Variants in CCDC69 observed in about 807,000 individuals in gnomAD.
CCDC69 encodes coiled-coil domain containing 69, also known as coiled-coil domain-containing protein 69.
In CCDC69, 38 loss-of-function variants were observed where a neutral mutation model predicts 40.3. That is an observed-to-expected ratio of 0.94 (90% confidence interval 0.73 to 1.24). The LOEUF is 1.24. Ranked by LOEUF, CCDC69 falls within the 50% of genes most tolerant of loss-of-function variation. The pLI, the probability that CCDC69 is intolerant of heterozygous loss-of-function variation, is 0.00. For missense variants in CCDC69, 389 were observed against 357.9 expected, an observed-to-expected ratio of 1.09 and a Z score of -0.70; for synonymous variants, 141 against 138.9, an observed-to-expected ratio of 1.02 and a Z score of -0.11.
intron 1 of CCDC69, among the ~76,000 whole-genome samples, chr5:151,218,303 C>T (rs1464255193): frequency 1.3e-5 from 2 of 152,228 alleles, no homozygotes; most frequent in African/African-American, 4.8e-5. Context: ...TCCCTCCCCA[C>T]TGCCAGTCCT....
Position 151,224,017 on chromosome 5 carries a change from CAGA to C in CCDC69, c.-50_-48del. 6.6e-7 allele frequency: 1 copy of C among 1,505,900 alleles called. No homozygotes were observed. Among genetic ancestry groups the C allele is most frequent in the Non-Finnish European group, 8.9e-7 (1 of 1,128,682 alleles). 93.3% of individuals were successfully genotyped at this position (1,505,900 alleles called of 1,614,324 possible). ...CGCCGCTTCCCAACTCCGGGGCCCC[CAGA>C]GGAGCCTGCGATCCGGGCCCCGCTG... On this transcript the variant is annotated 5_prime_UTR_variant, in exon 1 of 9. Transcript: ENST00000355417.
In CCDC69 at chr5:151,186,132, A is replaced by AT; in HGVS notation, c.394-9_394-8insA. ...CAGTCTGTCTATGGTCTCCTGGAGCAGGGAGTGGGATGGAGACAATCAAAG... is the reference window on the plus strand; with the variant it reads ...CAGTCTGTCTATGGTCTCCTGGAGCATGGGAGTGGGATGGAGACAATCAAAG... On this transcript the variant is annotated splice_polypyrimidine_tract_variant and intron_variant, in intron 5 of 8. Coordinates refer to ENST00000355417, the MANE Select transcript of CCDC69 (RefSeq NM_015621.3). 5 of 1,592,536 alleles carry AT rather than the reference A, an allele frequency of 3.1e-6. No individual in the cohort carries two copies. Among genetic ancestry groups the AT allele is most frequent in the Non-Finnish European group, 4.3e-6 (5 of 1,160,412 alleles).
chr5:151,187,242 G>A (rs1289997124), intron 5 of CCDC69, 144 bp downstream of exon 5: 23 of 655,644 alleles, frequency 3.5e-5, no homozygotes, highest in Non-Finnish European at 1.6e-5. Flanking sequence ...ACATCAAGGG[G>A]CCTGGATACA....
At chr5:151,205,954 A>C (rs1026261578) in intron 1 of CCDC69, among the ~76,000 whole-genome samples, 9 of 152,158 alleles carry the variant, frequency 5.9e-5, no homozygotes, top group African/African-American at 2.2e-4. Context: ...ACACAGAAGA[A>C]GACTTCTGTG....
At chr5:151,222,274 C>T (rs1050123196) in intron 1 of CCDC69, among the ~76,000 whole-genome samples, 1 of 152,262 alleles carries the variant, frequency 6.6e-6, no homozygotes, top group Non-Finnish European at 1.5e-5. Context: ...GCTGTGCCAG[C>T]TTTACTTGCC....
chr5:151,186,067 C>T lies in CCDC69; in HGVS notation c.451G>A (p.Val151Met). ...LEAFQAKMKRVEESILSRNYK... is the reference protein window; with the variant it reads ...LEAFQAKMKRMEESILSRNYK... ...TTTCGGCTCAGAATGGACTCCTCCA[C>T]CCTCTTCATTTTGGCCTGGAAAGCC... Residue 151 changes from valine to methionine, a missense_variant, in exon 6 of 9, where the codon GTG becomes ATG. Val to Met is a conservative substitution (Grantham distance 21, BLOSUM62 1). Coordinates refer to ENST00000355417, the MANE Select transcript of CCDC69 (RefSeq NM_015621.3). The T allele has an allele frequency of 6.2e-7, 1 of 1,614,052 alleles. No individual in the cohort carries two copies. Among genetic ancestry groups the T allele is most frequent in the Non-Finnish European group, 8.5e-7 (1 of 1,179,978 alleles).
At chr5:151,222,110 A>G (rs889067477) in intron 1 of CCDC69, among the ~76,000 whole-genome samples, 3 of 152,240 alleles carry the variant, frequency 2.0e-5, no homozygotes, top group Non-Finnish European at 2.9e-5. Context: ...GGAGACAAAG[A>G]ACACGGAGCT....
chr5:151,194,606 T>C (rs1392494940), intron 4 of CCDC69, among the ~76,000 whole-genome samples: 1 of 152,122 alleles, frequency 6.6e-6, no homozygotes, highest in Non-Finnish European at 1.5e-5. Flanking sequence ...CAAGAATCTA[T>C]ACATGCGGCA....
chr5:151,205,307 A>G (rs1752837624), intron 2 of CCDC69, 93 bp downstream of exon 2: 1 of 1,013,134 alleles, frequency 9.9e-7, no homozygotes, highest in Non-Finnish European at 1.6e-6. Flanking sequence ...CTGAGATCTC[A>G]TGAGATATTT....
chr5:151,215,398 A>G (rs774238274), intron 1 of CCDC69, among the ~76,000 whole-genome samples: 1 of 152,204 alleles, frequency 6.6e-6, no homozygotes, highest in Non-Finnish European at 1.5e-5. Context: ...GGGATACGTA[A>G]GAGCCCTTCT....
chr5:151,205,456 G>C lies in CCDC69; in HGVS notation c.68C>G (p.Pro23Arg). ...PPKKKRQEPE[P>R]EQPPRPEPHE... is the part of the protein sequence containing the mutation. Reference sequence around the variant, plus strand: ...GGGCTCTGGTCTGGGTGGCTGTTCTGGTTCTGGTTCTTGGCGCTTCTGGAA... The same window carrying C: ...GGGCTCTGGTCTGGGTGGCTGTTCTCGTTCTGGTTCTTGGCGCTTCTGGAA... The change falls in exon 2 of 9, where the codon CCA becomes CGA. Residue 23 changes from proline (P) to arginine (R), a missense_variant. By Grantham distance (103) the Pro-to-Arg change is moderately radical. Transcript: ENST00000355417. The C allele has an allele frequency of 6.2e-7, 1 of 1,614,130 alleles. No individual in the cohort carries two copies.
At chr5:151,223,865 G>C in intron 1 of CCDC69, 58 bp downstream of exon 1, 4 of 1,542,960 alleles carry the variant, frequency 2.6e-6, no homozygotes, top group Non-Finnish European at 3.5e-6. Context: ...CTCTGCGGCG[G>C]AGCGATTCCG....
At chr5:151,215,444 G>A (rs1753023023) in intron 1 of CCDC69, 1 of 207,124 alleles carries the variant, frequency 4.8e-6, no homozygotes, top group Non-Finnish European at 1.1e-5. Context: ...AGAAGGGGCA[G>A]AGTGAGGTCA....
At chr5:151,185,915 T>A in intron 6 of CCDC69, 108 bp downstream of exon 6, 1 of 763,774 alleles carries the variant, frequency 1.3e-6, no homozygotes, top group Non-Finnish European at 2.3e-6. Context: ...TAGGTAAGAG[T>A]GCCAGGTCTG....
chr5:151,205,517 GGAGGTCAATGC>G, intron 1 of CCDC69, 42 bp from the exon 2 acceptor site: 1 of 1,551,230 alleles, frequency 6.4e-7, no homozygotes, highest in South Asian at 1.1e-5. Context: ...GTAGAGGGTG[GGAGGTCAATGC>G]GAGGACGGGC....
At chr5:151,190,881 T>A in intron 4 of CCDC69, among the ~76,000 whole-genome samples, 1 of 151,670 alleles carries the variant, frequency 6.6e-6, no homozygotes, top group Non-Finnish European at 1.5e-5. Context: ...CATCCTAAAA[T>A]GGTAGACTTC....
chr5:151,211,152 C>T (rs1752940715), intron 1 of CCDC69: 1 of 152,244 alleles, frequency 6.6e-6, no homozygotes. Flanking sequence ...CAAGACCATC[C>T]CACCGTGACG....
intron 3 of CCDC69, among the ~76,000 whole-genome samples, chr5:151,199,411 G>A (rs1582044173): frequency 6.6e-6 from 1 of 152,098 alleles, no homozygotes; most frequent in East Asian, 1.9e-4. Flanking sequence ...TGTTTCAAGT[G>A]ACCTCCAACT....
rs894824649 is a variant in CCDC69 at position 151,182,384 on chromosome 5, G to A, written c.*1053C>T. 6.5e-6 allele frequency: 1 copy of A among 152,696 alleles called. No homozygotes were observed. Among genetic ancestry groups the A allele is most frequent in the African/African-American group, 2.4e-5 (1 of 41,432 alleles). 9.5% of individuals were successfully genotyped at this position (152,696 alleles called of 1,614,324 possible). On this transcript the variant is annotated 3_prime_UTR_variant, in exon 9 of 9. Transcript: ENST00000355417. The stretch of plus-strand genomic sequence containing the variant: ...GGAAGCTGAGCACCAGGTTGTAAAA[G>A]CCTGGGCCTGGGATCAGGGGCAGTG...
Sources: allele counts gnomAD v4.1 joint callset (sites outside exome capture counted in the v4.1 genomes callset), GRCh38; gene constraint gnomAD v4.1.1; transcripts MANE v1.5; gene names NCBI Gene and HGNC (gene_info 2026-07-23, HGNC 2026-07-21).